STX7: variants seen among roughly 807,000 people sequenced by gnomAD.
The protein encoded by STX7 is syntaxin-7.
Under a neutral mutation model 39.6 loss-of-function variants are expected in STX7, and 34 were observed. The observed-to-expected ratio is 0.86, with a 90% CI of 0.65 to 1.14. The LOEUF (loss-of-function observed/expected upper bound fraction) is 1.14. Among genes scored for constraint, STX7 ranks in the 50% most tolerant of loss-of-function variants. The pLI, the probability that STX7 is intolerant of heterozygous loss-of-function variation, is 0.00. For missense variants in STX7, 284 were observed against 310.4 expected, an observed-to-expected ratio of 0.92 and a Z score of 0.64; for synonymous variants, 119 against 99.1, an observed-to-expected ratio of 1.20 and a Z score of -1.19.
intron 3 of STX7, among the ~76,000 whole-genome samples, chr6:132,473,480 C>CTATATTT (rs1774787590): frequency 6.9e-6 from 1 of 144,748 alleles, no homozygotes; most frequent in Non-Finnish European, 1.5e-5. Context: ...TAAATAGTTG[C>CTATATTT]TATATTTTAT....
intron 1 of STX7, among the ~76,000 whole-genome samples, chr6:132,508,701 G>A (rs963185066): frequency 2.0e-5 from 3 of 151,838 alleles, no homozygotes; most frequent in Non-Finnish European, 2.9e-5. Context: ...TATAGAGATG[G>A]GGGTCTCACT....
chr6:132,456,141 G>A lies in STX7; in HGVS notation c.*4617C>T, dbSNP rs1482211200. Reference sequence around the variant, plus strand: ...TCCAACTGCTGCCACCAAGAGAACGGCTCCTTTTTGGAGCCATTACACACA... The same window carrying A: ...TCCAACTGCTGCCACCAAGAGAACGACTCCTTTTTGGAGCCATTACACACA... On this transcript the variant is annotated 3_prime_UTR_variant, in exon 10 of 10. Coordinates refer to ENST00000367941, the MANE Select transcript of STX7 (RefSeq NM_003569.3). The A allele has an allele frequency of 2.0e-5, 3 of 152,110 alleles. No individual in the cohort carries two copies. Among genetic ancestry groups the A allele is most frequent in the East Asian group, 1.9e-4 (1 of 5,188 alleles). The allele number at this position is 152,110 out of a possible 1,614,324, so 9.4% of individuals were successfully genotyped here.
chr6:132,455,247 G>T lies in STX7; in HGVS notation c.*5511C>A, dbSNP rs1274302880. 2 of 152,140 alleles carry T rather than the reference G, an allele frequency of 1.3e-5. No individual in the cohort carries two copies. Among genetic ancestry groups the T allele is most frequent in the Non-Finnish European group, 2.9e-5 (2 of 68,032 alleles). 9.4% of individuals were successfully genotyped at this position (152,140 alleles called of 1,614,324 possible). The stretch of plus-strand genomic sequence containing the variant: ...TTTCTGGTCTGAGTTTAACATTTCA[G>T]ATCTCCCATTAAACAACTGATCAAA... On this transcript the variant is annotated 3_prime_UTR_variant, in exon 10 of 10. Coordinates refer to ENST00000367941, the MANE Select transcript of STX7 (RefSeq NM_003569.3).
rs903097335 is a variant in STX7 at position 132,453,203 on chromosome 6, A to G, written c.*7555T>C. 2.0e-5 allele frequency: 3 copies of G among 151,934 alleles called. No homozygotes were observed. Among genetic ancestry groups the G allele is most frequent in the African/African-American group, 7.2e-5 (3 of 41,400 alleles). 9.4% of individuals were successfully genotyped at this position (151,934 alleles called of 1,614,324 possible). A position where few individuals can be genotyped will look rare whatever the true frequency, so the allele number is the denominator to read the frequency against. The stretch of plus-strand genomic sequence containing the variant: ...TAATTGAATATCCATAGGCAACAAC[A>G]AAAAAAATGAACCCAGACCTAAGTC... On this transcript the variant is annotated 3_prime_UTR_variant, in exon 10 of 10. Transcript: ENST00000367941.
At chr6:132,492,487 A>G (rs1325346346) in intron 2 of STX7, among the ~76,000 whole-genome samples, 1 of 152,248 alleles carries the variant, frequency 6.6e-6, no homozygotes, top group Non-Finnish European at 1.5e-5. Context: ...TCGCTGACAT[A>G]GCTTCAGCAT....
At chr6:132,470,249 T>C (rs1214101167) in intron 6 of STX7, among the ~76,000 whole-genome samples, 1 of 152,168 alleles carries the variant, frequency 6.6e-6, no homozygotes, top group East Asian at 1.9e-4. Context: ...TTTTAGCTAA[T>C]GTGAGTTTAG....
At chr6:132,469,847 C>A in intron 7 of STX7, 104 bp downstream of exon 7, 1 of 969,320 alleles carries the variant, frequency 1.0e-6, no homozygotes, top group Non-Finnish European at 1.5e-6. Context: ...AAAAAGAAAA[C>A]AAAATTTTTC....
chr6:132,476,231 T>C (rs532971817), intron 2 of STX7, among the ~76,000 whole-genome samples: 42 of 152,294 alleles, frequency 2.8e-4, no homozygotes, highest in Non-Finnish European at 1.5e-4. Flanking sequence ...ATCTGTTGTC[T>C]GAAAACAAAT....
intron 2 of STX7, among the ~76,000 whole-genome samples, chr6:132,501,885 AAAAAG>A (rs1775569938): frequency 6.6e-6 from 1 of 152,082 alleles, no homozygotes; most frequent in Non-Finnish European, 1.5e-5. Flanking sequence ...ATTAAAAAAA[AAAAAG>A]AAAAGGAAAG....
intron 2 of STX7, among the ~76,000 whole-genome samples, chr6:132,494,913 C>G (rs889855213): frequency 6.6e-6 from 1 of 152,164 alleles, no homozygotes; most frequent in Admixed American, 6.5e-5. Flanking sequence ...TTGGAGACTG[C>G]AGTCATCCAA....
intron 2 of STX7, among the ~76,000 whole-genome samples, chr6:132,489,352 T>C (rs890081856): frequency 2.6e-5 from 4 of 152,118 alleles, no homozygotes; most frequent in African/African-American, 9.7e-5. Context: ...GGGTACAATG[T>C]GTAGAGAAAA....
At chr6:132,474,769 T>A (rs921535760) in intron 3 of STX7, among the ~76,000 whole-genome samples, 1 of 152,206 alleles carries the variant, frequency 6.6e-6, no homozygotes, top group Non-Finnish European at 1.5e-5. Flanking sequence ...ATCCACAACA[T>A]ACCACAGACA....
At chr6:132,477,923 C>T (rs1486138315) in intron 2 of STX7, among the ~76,000 whole-genome samples, 2 of 152,036 alleles carry the variant, frequency 1.3e-5, no homozygotes, top group African/African-American at 4.8e-5. Context: ...GTGTACATAA[C>T]AAAACTTCAA....
At chr6:132,476,005 T>C (rs1055135271) in intron 2 of STX7, among the ~76,000 whole-genome samples, 1 of 152,102 alleles carries the variant, frequency 6.6e-6, no homozygotes, top group Non-Finnish European at 1.5e-5. Flanking sequence ...AGGAAATAAG[T>C]AACAATTACA....
At chr6:132,463,464 G>T (rs1774471163) in intron 9 of STX7, among the ~76,000 whole-genome samples, 1 of 152,090 alleles carries the variant, frequency 6.6e-6, no homozygotes, top group Non-Finnish European at 1.5e-5. Context: ...CCCGACTCAA[G>T]AAATAAATTC....
chr6:132,494,201 C>T (rs931080978), intron 2 of STX7, among the ~76,000 whole-genome samples: 2 of 151,596 alleles, frequency 1.3e-5, no homozygotes, highest in Non-Finnish European at 2.9e-5. Context: ...AATGGCATAA[C>T]CACATAAAAA....
chr6:132,482,811 G>T (rs547324733), intron 2 of STX7, among the ~76,000 whole-genome samples: 1 of 152,182 alleles, frequency 6.6e-6, no homozygotes, highest in South Asian at 2.1e-4. Context: ...CTCTTTCTCT[G>T]GGTTTTATGA....
chr6:132,491,480 C>T (rs572737818), intron 2 of STX7, among the ~76,000 whole-genome samples: 182 of 152,262 alleles, frequency 1.2e-3, no homozygotes, highest in African/African-American at 4.2e-3. Flanking sequence ...GATCACCACC[C>T]ACTGCAGGTT....
intron 2 of STX7, among the ~76,000 whole-genome samples, chr6:132,478,751 T>C (rs1200680571): frequency 6.6e-6 from 1 of 152,212 alleles, no homozygotes; most frequent in Non-Finnish European, 1.5e-5. Flanking sequence ...TCACAATCTC[T>C]AGCAACCTGT....
Sources: allele counts gnomAD v4.1 joint callset (sites outside exome capture counted in the v4.1 genomes callset), GRCh38; gene constraint gnomAD v4.1.1; transcripts MANE v1.5; gene names NCBI Gene and HGNC (gene_info 2026-07-23, HGNC 2026-07-21).